Variants in SPAG16 observed in about 807,000 individuals in gnomAD.
SPAG16 encodes sperm-associated antigen 16 protein.
Under a neutral mutation model 80.4 loss-of-function variants are expected in SPAG16, and 86 were observed. The observed-to-expected ratio is 1.07, with a 90% CI of 0.90 to 1.28. The LOEUF (loss-of-function observed/expected upper bound fraction) is 1.28, where lower values mean the gene tolerates loss of function less well. SPAG16 is among the 50% of genes most tolerant of loss of function. The probability of loss-of-function intolerance (pLI) is 0.00; values close to 1 mark genes in which losing one functional copy is unlikely to be tolerated. For synonymous variants in SPAG16, 294 were observed against 265.9 expected (o/e 1.11, Z -1.03); for missense variants, 870 against 765.3 (o/e 1.14, Z -1.61).
chr2:213,497,636 C>T (rs2074553007), intron 10 of SPAG16, among the ~76,000 whole-genome samples: 1 of 152,034 alleles, frequency 6.6e-6, no homozygotes, highest in Non-Finnish European at 1.5e-5. Flanking sequence ...TTAATAACCA[C>T]AGTGACCTAT....
chr2:213,900,757 T>A (rs886469797), intron 11 of SPAG16, among the ~76,000 whole-genome samples: 1 of 152,188 alleles, frequency 6.6e-6, no homozygotes, highest in East Asian at 1.9e-4. Flanking sequence ...TCTCCTATTT[T>A]TACATTGTGA....
chr2:214,371,431 C>T (rs914542213), intron 15 of SPAG16, among the ~76,000 whole-genome samples: 1 of 149,668 alleles, frequency 6.7e-6, no homozygotes, highest in South Asian at 2.1e-4. Flanking sequence ...ACTCGGGAGT[C>T]TGAGGCAGGA....
chr2:214,362,049 C>T (rs1229425044), intron 15 of SPAG16, among the ~76,000 whole-genome samples: 1 of 151,766 alleles, frequency 6.6e-6, no homozygotes, highest in Non-Finnish European at 1.5e-5. Flanking sequence ...AACAAACAAT[C>T]CCCAAATTTC....
chr2:213,416,553 C>CT (rs917711040), intron 9 of SPAG16, among the ~76,000 whole-genome samples: 3 of 150,982 alleles, frequency 2.0e-5, no homozygotes, highest in African/African-American at 7.3e-5. Flanking sequence ...CTTGTTTTTT[C>CT]TTTTTTTGTT....
chr2:213,831,343 A>G (rs2073644834), intron 10 of SPAG16, among the ~76,000 whole-genome samples: 1 of 151,664 alleles, frequency 6.6e-6, no homozygotes, highest in South Asian at 2.1e-4. Flanking sequence ...CGGCTGAACC[A>G]TGACTTTTTA....
At position 213,350,614 on chromosome 2, in the gene SPAG16, C is replaced by T. The variant is rs528853880; in HGVS notation, c.731C>T (p.Thr244Ile). The part of the protein sequence containing the change: ...HHTLLKEKML[T>I]SLERDKVVGQ... ...ACTTTACTGAAGGAGAAAATGCTGA[C>T]CTCCTTGGAAAGAGACAAAGTAGTT... The change falls in exon 7 of 16, where the codon ACC (threonine) becomes ATC (isoleucine). Residue 244 changes from threonine to isoleucine, a missense_variant. Thr to Ile is a moderately conservative substitution (Grantham distance 89). Coordinates refer to ENST00000331683, the MANE Select transcript of SPAG16 (RefSeq NM_024532.5). The T allele has an allele frequency of 2.0e-5, 32 of 1,601,072 alleles. No individual in the cohort carries two copies. The Middle Eastern group carries it at 1.0e-3, about 50-fold the overall frequency.
At position 214,160,980 on chromosome 2, in the gene SPAG16, T is replaced by C. The variant is rs147547400; in HGVS notation, c.1720+11714T>C. 4.3e-3 allele frequency among the ~76,000 whole-genome samples: 655 copies of C among 152,210 alleles called. 3 individuals are homozygous for C. The highest frequency in any genetic ancestry group is 0.015 in the African/African-American group (609 of 41,560). ...TTACTGATTTCATCTAGAATGTCTT[T>C]TATTAAATTGAAATATTTAGATTAT... On this transcript the variant is annotated intron_variant, in intron 15 of 15. Coordinates refer to ENST00000331683, the MANE Select transcript of SPAG16 (RefSeq NM_024532.5).
chr2:213,922,351 G>A (rs1037612134), intron 11 of SPAG16, among the ~76,000 whole-genome samples: 2 of 152,030 alleles, frequency 1.3e-5, no homozygotes, highest in South Asian at 2.1e-4. Context: ...TGCAATTCTT[G>A]TAGTATGTTT....
intron 10 of SPAG16, among the ~76,000 whole-genome samples, chr2:213,552,098 T>C (rs1403533765): frequency 1.3e-5 from 2 of 152,204 alleles, no homozygotes; most frequent in African/African-American, 4.8e-5. Context: ...TGTGCAGAGA[T>C]ATTTGGTCCT....
chr2:213,522,090 ATTGCTATCTTTT>A (rs1204094306), intron 10 of SPAG16, among the ~76,000 whole-genome samples: 1 of 152,212 alleles, frequency 6.6e-6, no homozygotes, highest in Admixed American at 6.5e-5. Context: ...GATCTATAGC[ATTGCTATCTTTT>A]TCCTGTGGCT....
At chr2:213,986,184 G>A (rs138374886) in intron 12 of SPAG16, among the ~76,000 whole-genome samples, 1 of 152,188 alleles carries the variant, frequency 6.6e-6, no homozygotes, top group East Asian at 1.9e-4. Context: ...ATTTGAGGTA[G>A]ACAGTGAAAG....
intron 12 of SPAG16, among the ~76,000 whole-genome samples, chr2:213,948,920 A>T (rs1415023794): frequency 6.6e-6 from 1 of 152,148 alleles, no homozygotes; most frequent in Non-Finnish European, 1.5e-5. Context: ...CAGTGCTTGA[A>T]CTTAACTAAA....
intron 10 of SPAG16, among the ~76,000 whole-genome samples, chr2:213,692,527 C>G (rs1221332106): frequency 6.6e-6 from 1 of 152,044 alleles, no homozygotes; most frequent in East Asian, 1.9e-4. Flanking sequence ...AATGTTTTGT[C>G]TGCCGGGCAT....
chr2:213,524,406 C>T (rs925322912), intron 10 of SPAG16, among the ~76,000 whole-genome samples: 1 of 152,254 alleles, frequency 6.6e-6, no homozygotes. Flanking sequence ...GTTGGTGCTG[C>T]CTAGTGGAGC....
intron 15 of SPAG16, among the ~76,000 whole-genome samples, chr2:214,168,126 A>T (rs1276776617): frequency 1.3e-5 from 2 of 151,302 alleles, no homozygotes; most frequent in African/African-American, 4.9e-5. Flanking sequence ...AATAGCTGGG[A>T]TTACAGGCAT....
intron 9 of SPAG16, 40 bp from the exon 10 acceptor site, chr2:213,489,923 G>C: frequency 1.3e-6 from 2 of 1,520,672 alleles, no homozygotes; most frequent in Non-Finnish European, 1.8e-6. Flanking sequence ...CAGTGATTTT[G>C]ATATTTAACA....
chr2:213,545,361 A>G (rs2076578960), intron 10 of SPAG16, among the ~76,000 whole-genome samples: 1 of 152,054 alleles, frequency 6.6e-6, no homozygotes, highest in Admixed American at 6.6e-5. Flanking sequence ...TATTTTAGAT[A>G]ATACTCCTTT....
At chr2:213,936,542 C>T (rs1296871472) in intron 12 of SPAG16, among the ~76,000 whole-genome samples, 1 of 151,984 alleles carries the variant, frequency 6.6e-6, no homozygotes, top group Non-Finnish European at 1.5e-5. Flanking sequence ...AAGGTTTCAG[C>T]CATGAGAATA....
chr2:213,302,595 T>G (rs1364737106), intron 3 of SPAG16: 1 of 150,602 alleles, frequency 6.6e-6, no homozygotes, highest in Non-Finnish European at 1.5e-5. Flanking sequence ...AAAAGAGATA[T>G]TCATGATCAC....
Sources: gnomAD v4.1 joint callset for allele counts (sites outside exome capture counted in the v4.1 genomes callset) on GRCh38, gnomAD v4.1.1 for gene constraint, MANE v1.5 for transcripts, NCBI Gene and HGNC (gene_info 2026-07-23, HGNC 2026-07-21) for gene names.